The following PCDH11Y variants were observed in gnomAD, a reference collection of about 807,000 sequenced individuals.
The protein encoded by PCDH11Y is protocadherin-11 Y-linked.
For synonymous variants in PCDH11Y, 9 were observed against 83.6 expected, an observed-to-expected ratio of 0.11 and a Z score of 4.87; for missense variants, 12 against 224.8, an observed-to-expected ratio of 0.05 and a Z score of 6.05.
At chrY:5,644,067 G>A in intron 4 of PCDH11Y, among the ~76,000 whole-genome samples, 1 of 32,730 alleles carries the variant, frequency 3.1e-5, no homozygotes, top group Non-Finnish European at 7.5e-5. Context: ...CAGGGCATGT[G>A]CTTGTGTCTC....
chrY:5,612,968 C>T (rs2053489302), intron 4 of PCDH11Y, among the ~76,000 whole-genome samples: 1 of 28,989 alleles, frequency 3.4e-5, no homozygotes, highest in Non-Finnish European at 8.1e-5. Flanking sequence ...CAGGTTCAAG[C>T]AATTCTCCTG....
In PCDH11Y at chrY:5,302,231, A is replaced by AAGGC. The variant is rs796468701; in HGVS notation, c.3130-198823_3130-198822insCAGG. ...GGAGGAAGGAAGGAAGGAAGGAAGG[A>AAGGC]AGGAAGGAAGGAAGGAAGGAAGCAC... On this transcript the variant is annotated intron_variant, in intron 2 of 4. Coordinates refer to the PCDH11Y transcript ENST00000400457. Among the ~76,000 whole-genome samples, 47 of 30,931 alleles carry AAGGC rather than the reference A, an allele frequency of 1.5e-3. No individual in the cohort carries two copies. In the East Asian group the frequency reaches 0.028, roughly 18 times the overall value. The allele number at this position is 30,931 out of a possible 37,273, so 83.0% of individuals were successfully genotyped here.
At chrY:5,522,692 C>A in intron 3 of PCDH11Y, among the ~76,000 whole-genome samples, 1 of 33,575 alleles carries the variant, frequency 3.0e-5, no homozygotes, top group Admixed American at 2.7e-4. Flanking sequence ...GTAAACATTC[C>A]CCTCTCTTAA....
intron 3 of PCDH11Y, among the ~76,000 whole-genome samples, chrY:5,580,142 C>T (rs2053449569): frequency 3.2e-5 from 1 of 31,681 alleles, no homozygotes; most frequent in African/African-American, 1.2e-4. Context: ...AATTTGGGAA[C>T]TAAAAGTCTT....
At chrY:5,271,161 A>G in intron 2 of PCDH11Y, among the ~76,000 whole-genome samples, 1 of 32,898 alleles carries the variant, frequency 3.0e-5, no homozygotes, top group South Asian at 6.7e-4. Context: ...TTTGCTCCAC[A>G]TAGTGTGTGT....
chrY:5,202,795 C>T, intron 2 of PCDH11Y, among the ~76,000 whole-genome samples: 1 of 31,595 alleles, frequency 3.2e-5, no homozygotes, highest in Non-Finnish European at 7.7e-5. Context: ...CTGTGCTTTT[C>T]TCTGCCTATA....
chrY:5,355,884 G>A (rs2124670891), intron 2 of PCDH11Y, among the ~76,000 whole-genome samples: 1 of 33,666 alleles, frequency 3.0e-5, no homozygotes, highest in South Asian at 6.4e-4. Flanking sequence ...CTAAAGTGAG[G>A]ACATTTTTTA....
chrY:5,108,607 C>T (rs112044458), downstream of PCDH11Y, among the ~76,000 whole-genome samples: 5 of 30,268 alleles, frequency 1.7e-4, no homozygotes, highest in Admixed American at 3.1e-4. Context: ...ATTAGCCGGG[C>T]GTGGTGGCGG....
chrY:5,522,583 C>T, intron 3 of PCDH11Y, among the ~76,000 whole-genome samples: 2 of 33,845 alleles, frequency 5.9e-5, no homozygotes, highest in African/African-American at 1.2e-4. Context: ...CAGCAGAGGA[C>T]AATCTTGTAT....
intron 2 of PCDH11Y, among the ~76,000 whole-genome samples, chrY:5,197,649 A>G: frequency 6.7e-5 from 2 of 29,999 alleles, no homozygotes; most frequent in Non-Finnish European, 1.6e-4. Context: ...CTATGCAGCC[A>G]TAAAAAATGA....
intron 4 of PCDH11Y, among the ~76,000 whole-genome samples, chrY:5,722,193 A>AT (rs2053595235): frequency 3.2e-5 from 1 of 31,281 alleles, no homozygotes; most frequent in Non-Finnish European, 7.9e-5. Context: ...GACTAGAGTG[A>AT]TTCAACAGTG....
chrY:5,344,122 C>G, intron 2 of PCDH11Y, among the ~76,000 whole-genome samples: 1 of 32,885 alleles, frequency 3.0e-5, no homozygotes. Flanking sequence ...TCAATAATTT[C>G]TCAAAACAAA....
At chrY:5,424,213 T>C (rs2124679807) in intron 2 of PCDH11Y, among the ~76,000 whole-genome samples, 1 of 33,880 alleles carries the variant, frequency 3.0e-5, no homozygotes, top group Admixed American at 2.7e-4. Context: ...ATCTCTTCCT[T>C]GTTGGTGTAG....
At chrY:5,189,170 A>G in intron 2 of PCDH11Y, among the ~76,000 whole-genome samples, 3 of 34,067 alleles carry the variant, frequency 8.8e-5, no homozygotes. Flanking sequence ...TTAATGAACA[A>G]TATCATTTCT....
chrY:5,161,089 C>T, intron 2 of PCDH11Y, among the ~76,000 whole-genome samples: 1 of 31,944 alleles, frequency 3.1e-5, no homozygotes, highest in East Asian at 8.4e-4. Context: ...TATTTGGAAA[C>T]TGTGTTTCTT....
At chrY:5,365,250 T>A (rs2053179254) in intron 2 of PCDH11Y, among the ~76,000 whole-genome samples, 2 of 33,174 alleles carry the variant, frequency 6.0e-5, no homozygotes, top group African/African-American at 1.2e-4. Context: ...AATGGCTTTT[T>A]TTCAAAATTA....
intron 4 of PCDH11Y, among the ~76,000 whole-genome samples, chrY:5,612,311 A>G: frequency 3.0e-5 from 1 of 33,267 alleles, no homozygotes; most frequent in Non-Finnish European, 7.4e-5. Context: ...TAAAACAAAC[A>G]TATATTTTGT....
intron 4 of PCDH11Y, among the ~76,000 whole-genome samples, chrY:5,634,146 A>G (rs373266516): frequency 0.023 from 589 of 25,297 alleles, no homozygotes; most frequent in Middle Eastern, 0.18. Context: ...CCCGGGAGGC[A>G]GAGCTTGCAG....
chrY:5,451,164 T>A, intron 2 of PCDH11Y, among the ~76,000 whole-genome samples: 1 of 33,248 alleles, frequency 3.0e-5, no homozygotes, highest in African/African-American at 1.2e-4. Flanking sequence ...CACAGTGAAT[T>A]TATACTACTT....
Sources: gnomAD v4.1 joint callset for allele counts (sites outside exome capture counted in the v4.1 genomes callset) on GRCh38, gnomAD v4.1.1 for gene constraint, MANE v1.5 for transcripts, NCBI Gene and HGNC (gene_info 2026-07-23, HGNC 2026-07-21) for gene names.